RBFOX3: variants seen among roughly 807,000 people sequenced by gnomAD.
The protein encoded by RBFOX3 is RNA binding fox-1 homolog 3.
RBFOX3 carries 17 observed loss-of-function variants against 48.7 expected under a neutral mutation model. The observed-to-expected ratio is 0.35, with a 90% CI of 0.24 to 0.52. The LOEUF (loss-of-function observed/expected upper bound fraction) is 0.52, where lower values mean the gene tolerates loss of function less well. RBFOX3 is among the 20% of genes least tolerant of loss of function. The pLI, the probability that RBFOX3 is intolerant of heterozygous loss-of-function variation, is 0.94. For synonymous variants in RBFOX3, 212 were observed against 209.5 expected (o/e 1.01, Z -0.10); for missense variants, 382 against 497.5 (o/e 0.77, Z 2.21).
At chr17:79,639,339 T>C in the RBFOX3 span, among the ~76,000 whole-genome samples, 2 of 152,092 alleles carry the variant, frequency 1.3e-5, no homozygotes, top group Non-Finnish European at 2.9e-5. Flanking sequence ...CGCGCCCGGC[T>C]AATTTTTTTG....
chr17:79,210,646 G>A (rs1347757874), intron 4 of RBFOX3, among the ~76,000 whole-genome samples: 3 of 152,174 alleles, frequency 2.0e-5, no homozygotes, highest in African/African-American at 4.8e-5. Flanking sequence ...TTGAAGGGTC[G>A]GGTGGCTCTT....
chr17:79,211,638 G>A (rs142464487), intron 4 of RBFOX3, among the ~76,000 whole-genome samples: 98 of 152,256 alleles, frequency 6.4e-4, no homozygotes, highest in African/African-American at 2.2e-3. Context: ...CGGGGGGCTG[G>A]ACAGACAGGG....
chr17:79,137,497 C>T (rs1386941859), intron 4 of RBFOX3, among the ~76,000 whole-genome samples: 1 of 152,204 alleles, frequency 6.6e-6, no homozygotes, highest in African/African-American at 2.4e-5. Flanking sequence ...CTGCAGTGAT[C>T]GTGCACGCAG....
intron 3 of RBFOX3, among the ~76,000 whole-genome samples, chr17:79,257,752 T>A (rs954153172): frequency 6.6e-6 from 1 of 152,108 alleles, no homozygotes; most frequent in Non-Finnish European, 1.5e-5. Flanking sequence ...GGCTAATTTT[T>A]GTATTTTTAG....
chr17:79,555,815 CGAT>C (rs2091705383), intron 1 of RBFOX3, among the ~76,000 whole-genome samples: 1 of 1,100 alleles, frequency 9.1e-4, no homozygotes, highest in African/African-American at 2.9e-3. Flanking sequence ...GTGATGGTGA[CGAT>C]GATGATAGTA....
chr17:79,454,046 A>T (rs2074039970), intron 2 of RBFOX3, among the ~76,000 whole-genome samples: 1 of 152,046 alleles, frequency 6.6e-6, no homozygotes, highest in Admixed American at 6.5e-5. Flanking sequence ...ATGCGCTCTG[A>T]CAAGGGGTTG....
intron 1 of RBFOX3, among the ~76,000 whole-genome samples, chr17:79,512,475 A>C (rs2084479548): frequency 1.4e-5 from 2 of 142,562 alleles, no homozygotes; most frequent in Admixed American, 1.4e-4. Context: ...ATACACCCGG[A>C]TACATATTAC....
intron 2 of RBFOX3, among the ~76,000 whole-genome samples, chr17:79,370,554 CAT>C (rs1433631548): frequency 8.0e-5 from 12 of 150,136 alleles, no homozygotes; most frequent in African/African-American, 3.0e-4. Context: ...CACTAACATA[CAT>C]ACATGTGTGC....
At chr17:79,367,547 C>T (rs2147484368) in intron 2 of RBFOX3, among the ~76,000 whole-genome samples, 1 of 152,252 alleles carries the variant, frequency 6.6e-6, no homozygotes, top group East Asian at 1.9e-4. Flanking sequence ...CAAGAGAAGA[C>T]ACACAGTAAG....
At chr17:79,315,531 C>T (rs186053857) in intron 2 of RBFOX3, among the ~76,000 whole-genome samples, 39 of 152,326 alleles carry the variant, frequency 2.6e-4, no homozygotes, top group Non-Finnish European at 5.3e-4. Context: ...TCCCAGGCCG[C>T]GCCTTCACAC....
chr17:79,249,033 G>A lies in RBFOX3; in HGVS notation c.-73-13228C>T, dbSNP rs150748177. On this transcript the variant is annotated intron_variant, in intron 3 of 14. Coordinates refer to ENST00000693108, the MANE Select transcript of RBFOX3 (RefSeq NM_001350451.2). This position sits in a 1 kb window ranked among gnomAD's most constrained non-coding sequence, Gnocchi z 4.1. ...CGGCTGGGATGCGGTGCGGTCTTCC[G>A]CCAGCGGGGCCAGAACCCAGAGCGA... Among the ~76,000 whole-genome samples the A allele has an allele frequency of 3.2e-3, 494 of 152,308 alleles. No individual in the cohort carries two copies. The highest frequency in any genetic ancestry group is 6.8e-3 in the Middle Eastern group (2 of 294).
Position 79,443,533 on chromosome 17 carries a change from A to C in RBFOX3, c.-175+38921T>G, listed in dbSNP as rs1455482226. 6.6e-6 allele frequency among the ~76,000 whole-genome samples: 1 copy of C among 151,794 alleles called. No homozygotes were observed. Among genetic ancestry groups the C allele is most frequent in the Non-Finnish European group, 1.5e-5 (1 of 67,936 alleles). On this transcript the variant is annotated intron_variant, in intron 2 of 14. Transcript: ENST00000693108. The surrounding 1 kb of genome is among the most constrained non-coding windows in gnomAD (Gnocchi z 4.4). The stretch of plus-strand genomic sequence containing the variant: ...GAGTAGCTGGGATTATAGGCACCTG[A>C]CACCACTCCCGGCTAATTTTTGTAT...
intron 2 of RBFOX3, among the ~76,000 whole-genome samples, chr17:79,331,387 C>T (rs1445245374): frequency 5.9e-5 from 9 of 152,168 alleles, no homozygotes; most frequent in Non-Finnish European, 1.0e-4. Context: ...GTCAACAAGC[C>T]CCTTCCTGCC....
intron 4 of RBFOX3, among the ~76,000 whole-genome samples, chr17:79,166,188 A>G (rs1290486234): frequency 1.3e-5 from 2 of 152,060 alleles, no homozygotes; most frequent in Non-Finnish European, 2.9e-5. Flanking sequence ...CCTTGGCCCC[A>G]GACAAACTGG....
At chr17:79,328,408 T>C (rs1039443438) in intron 2 of RBFOX3, among the ~76,000 whole-genome samples, 1 of 152,256 alleles carries the variant, frequency 6.6e-6, no homozygotes, top group Non-Finnish European at 1.5e-5. Context: ...GTGGCTGAGA[T>C]GCCTGGCCCC....
chr17:79,521,538 A>G (rs2086101747), intron 1 of RBFOX3, among the ~76,000 whole-genome samples: 1 of 152,072 alleles, frequency 6.6e-6, no homozygotes, highest in Non-Finnish European at 1.5e-5. Flanking sequence ...ATTGACAGAC[A>G]CACATTCACA....
At chr17:79,091,332 C>G (rs1458435163) in intron 14 of RBFOX3, among the ~76,000 whole-genome samples, 1 of 152,258 alleles carries the variant, frequency 6.6e-6, no homozygotes, top group Non-Finnish European at 1.5e-5. Context: ...CCAGCCGTGG[C>G]ACACTCAGAA....
At chr17:79,102,536 G>A (rs569730789) in intron 8 of RBFOX3, among the ~76,000 whole-genome samples, 1 of 152,334 alleles carries the variant, frequency 6.6e-6, no homozygotes, top group African/African-American at 2.4e-5. Context: ...CCGCAGCAAG[G>A]GAACACAGCC....
At chr17:79,417,426 C>T (rs2065554316) in intron 2 of RBFOX3, among the ~76,000 whole-genome samples, 1 of 152,206 alleles carries the variant, frequency 6.6e-6, no homozygotes, top group African/African-American at 2.4e-5. Flanking sequence ...CCTGGCTTGT[C>T]CCTGGATGTT....
Sources: gnomAD v4.1 joint callset for allele counts (sites outside exome capture counted in the v4.1 genomes callset) on GRCh38, gnomAD v4.1.1 for gene constraint, Gnocchi (gnomAD v3.1) non-coding constraint, MANE v1.5 for transcripts, NCBI Gene and HGNC (gene_info 2026-07-23, HGNC 2026-07-21) for gene names.